The following KLF12 variants were observed in gnomAD, a reference collection of about 807,000 sequenced individuals.
The protein encoded by KLF12 is Krueppel-like factor 12.
In KLF12, 9 loss-of-function variants were observed where a neutral mutation model predicts 37.8. That is an observed-to-expected ratio of 0.24 (90% CI 0.14 to 0.42). KLF12 has a LOEUF of 0.42. Ranked by LOEUF, KLF12 falls within the 10% of genes least tolerant of loss-of-function variation. The pLI is 1.00. For synonymous variants in KLF12, 208 were observed against 202.1 expected (o/e 1.03, Z -0.25); for missense variants, 411 against 516.0 (o/e 0.80, Z 1.97).
At chr13:74,197,268 A>G in the KLF12 span, among the ~76,000 whole-genome samples, 1 of 152,206 alleles carries the variant, frequency 6.6e-6, no homozygotes, top group South Asian at 2.1e-4. Context: ...TGAATTCTGT[A>G]AAGTAATTTT....
At chr13:73,849,127 T>G (rs1885180451) in intron 3 of KLF12, among the ~76,000 whole-genome samples, 1 of 152,110 alleles carries the variant, frequency 6.6e-6, no homozygotes, top group African/African-American at 2.4e-5. Context: ...CTATGGCACA[T>G]ACTTGTGTTC....
intron 1 of KLF12, among the ~76,000 whole-genome samples, chr13:74,066,235 C>T (rs1423163689): frequency 6.6e-6 from 1 of 152,186 alleles, no homozygotes; most frequent in African/African-American, 2.4e-5. Flanking sequence ...TCGACTGAAG[C>T]AGATGGTGAA....
rs779477563 is a variant in KLF12 at position 73,719,836 on chromosome 13, A to C, written c.870-4311T>G. ...AGGCTTATCTTGAACTCCTGGCTTC[A>C]CGTGATCCTGCCTCAGTCTCCCAAA... On this transcript the variant is annotated intron_variant, in intron 6 of 7. Transcript: ENST00000377669. 3.0e-4 allele frequency among the ~76,000 whole-genome samples: 45 copies of C among 152,190 alleles called. 1 individual carries two copies. The highest frequency in any genetic ancestry group is 6.2e-4 in the Non-Finnish European group (42 of 68,002).
the KLF12 span, among the ~76,000 whole-genome samples, chr13:74,234,959 T>C: frequency 2.2e-5 from 3 of 139,080 alleles, no homozygotes; most frequent in East Asian, 2.0e-4. Context: ...TATCTACCTA[T>C]CTATCTATCT....
the KLF12 span, among the ~76,000 whole-genome samples, chr13:74,301,903 G>A: frequency 2.6e-5 from 4 of 152,066 alleles, no homozygotes; most frequent in African/African-American, 4.8e-5. Flanking sequence ...ACCCTCTCCC[G>A]TGTTACAACT....
chr13:73,736,880 T>C (rs1263553875), intron 6 of KLF12, among the ~76,000 whole-genome samples: 1 of 152,198 alleles, frequency 6.6e-6, no homozygotes, highest in African/African-American at 2.4e-5. Flanking sequence ...TACATACTAA[T>C]AAATATACTC....
At chr13:73,738,593 C>A (rs1181089017) in intron 6 of KLF12, among the ~76,000 whole-genome samples, 1 of 152,034 alleles carries the variant, frequency 6.6e-6, no homozygotes, top group Non-Finnish European at 1.5e-5. Context: ...GGAAAAACAA[C>A]AACAAAAGTC....
chr13:73,782,190 T>G (rs1330316982), intron 5 of KLF12, among the ~76,000 whole-genome samples: 1 of 152,220 alleles, frequency 6.6e-6, no homozygotes, highest in Non-Finnish European at 1.5e-5. Context: ...ATGAGAAATC[T>G]AATCTTCTAT....
At chr13:73,793,387 A>T (rs1255439227) in intron 5 of KLF12, among the ~76,000 whole-genome samples, 1 of 152,222 alleles carries the variant, frequency 6.6e-6, no homozygotes, top group Non-Finnish European at 1.5e-5. Context: ...AAAAATTAAA[A>T]TTCATTAAAA....
At chr13:73,895,128 C>A (rs1172632542) in intron 3 of KLF12, among the ~76,000 whole-genome samples, 1 of 152,096 alleles carries the variant, frequency 6.6e-6, no homozygotes, top group Non-Finnish European at 1.5e-5. Flanking sequence ...CCCAACACAC[C>A]CCCTGTAGAT....
At chr13:73,892,336 G>A (rs1365829290) in intron 3 of KLF12, among the ~76,000 whole-genome samples, 1 of 152,092 alleles carries the variant, frequency 6.6e-6, no homozygotes, top group Non-Finnish European at 1.5e-5. Flanking sequence ...TCCTAGAGCA[G>A]TAGAACAGCA....
chr13:73,911,205 A>G (rs1258829635), intron 3 of KLF12, among the ~76,000 whole-genome samples: 1 of 152,172 alleles, frequency 6.6e-6, no homozygotes, highest in Non-Finnish European at 1.5e-5. Flanking sequence ...TGGGCCCCAT[A>G]AATGTATACA....
At chr13:73,851,430 C>G (rs73537922) in intron 3 of KLF12, among the ~76,000 whole-genome samples, 1 of 152,110 alleles carries the variant, frequency 6.6e-6, no homozygotes, top group Admixed American at 6.5e-5. Context: ...TCATTTGATA[C>G]TTTTTTTTCC....
At chr13:74,056,066 A>G (rs1328968224) in intron 1 of KLF12, among the ~76,000 whole-genome samples, 2 of 152,204 alleles carry the variant, frequency 1.3e-5, no homozygotes, top group Non-Finnish European at 2.9e-5. Flanking sequence ...GATACTTGCC[A>G]GAAGAGGAAA....
At chr13:74,205,659 GAC>G in the KLF12 span, among the ~76,000 whole-genome samples, 1 of 152,160 alleles carries the variant, frequency 6.6e-6, no homozygotes, top group East Asian at 1.9e-4. Flanking sequence ...CCCTGACGTA[GAC>G]ACAGAGGAAG....
intron 2 of KLF12, among the ~76,000 whole-genome samples, chr13:73,948,912 A>G (rs946960714): frequency 6.6e-6 from 1 of 152,348 alleles, no homozygotes; most frequent in East Asian, 1.9e-4. Context: ...AGTGGCATGA[A>G]GCAACAGTCA....
the KLF12 span, among the ~76,000 whole-genome samples, chr13:74,144,775 A>T: frequency 6.6e-6 from 1 of 152,174 alleles, no homozygotes; most frequent in African/African-American, 2.4e-5. Context: ...TGTTATATTG[A>T]AATATCGTCT....
chr13:73,867,065 A>G (rs1886210776), intron 3 of KLF12, among the ~76,000 whole-genome samples: 1 of 152,090 alleles, frequency 6.6e-6, no homozygotes, highest in Non-Finnish European at 1.5e-5. Flanking sequence ...ATTTTAAAAT[A>G]TCAGGAAAAA....
chr13:74,246,140 A>G, the KLF12 span, among the ~76,000 whole-genome samples: 1 of 152,202 alleles, frequency 6.6e-6, no homozygotes, highest in Admixed American at 6.5e-5. Flanking sequence ...AGTTATATAT[A>G]TCAGAATAGA....
Sources: allele counts gnomAD v4.1 joint callset (sites outside exome capture counted in the v4.1 genomes callset), GRCh38; gene constraint gnomAD v4.1.1; transcripts MANE v1.5; gene names NCBI Gene and HGNC (gene_info 2026-07-23, HGNC 2026-07-21).